The following ITPR1 variants were observed in gnomAD, a reference collection of about 807,000 sequenced individuals.
The protein encoded by ITPR1 is inositol 1,4,5-trisphosphate-gated calcium channel ITPR1.
Under a neutral mutation model 318.4 loss-of-function variants are expected in ITPR1, and 96 were observed. That is an observed-to-expected ratio of 0.30 (90% CI 0.26 to 0.36). The LOEUF (loss-of-function observed/expected upper bound fraction) is 0.36, where lower values mean the gene tolerates loss of function less well. Among genes scored for constraint, ITPR1 ranks in the 10% least tolerant of loss-of-function variants. The pLI, the probability that ITPR1 is intolerant of heterozygous loss-of-function variation, is 1.00. For missense variants in ITPR1, 2,440 were observed against 3,460.2 expected, an observed-to-expected ratio of 0.71 and a Z score of 7.40; for synonymous variants, 1,312 against 1,289.9, an observed-to-expected ratio of 1.02 and a Z score of -0.37.
chr3:4,596,507 G>A (rs1185592656), intron 4 of ITPR1, among the ~76,000 whole-genome samples: 1 of 152,128 alleles, frequency 6.6e-6, no homozygotes, highest in African/African-American at 2.4e-5. Context: ...GGGTTTATTT[G>A]TGTTTCAAAA....
intron 4 of ITPR1, among the ~76,000 whole-genome samples, chr3:4,588,093 G>T (rs1250290088): frequency 6.6e-6 from 1 of 152,160 alleles, no homozygotes; most frequent in Non-Finnish European, 1.5e-5. Flanking sequence ...GACACTTGAT[G>T]CTTAGCTGTC....
intron 10 of ITPR1, among the ~76,000 whole-genome samples, chr3:4,647,133 T>C (rs952660388): frequency 2.0e-5 from 3 of 152,160 alleles, no homozygotes; most frequent in South Asian, 2.1e-4. Context: ...TTTGTATAAA[T>C]GGAGTCATAC....
At chr3:4,701,714 T>C (rs1231983291) in intron 35 of ITPR1, among the ~76,000 whole-genome samples, 1 of 152,228 alleles carries the variant, frequency 6.6e-6, no homozygotes, top group Non-Finnish European at 1.5e-5. Context: ...TTGTTTTTCA[T>C]GCGTGACGGG....
chr3:4,788,835 C>T (rs1388682275), intron 52 of ITPR1, among the ~76,000 whole-genome samples: 1 of 152,154 alleles, frequency 6.6e-6, no homozygotes, highest in African/African-American at 2.4e-5. Flanking sequence ...TCTATCTGTT[C>T]ATCAGGAGCC....
At chr3:4,678,659 G>T (rs2094233713) in intron 24 of ITPR1, among the ~76,000 whole-genome samples, 1 of 152,146 alleles carries the variant, frequency 6.6e-6, no homozygotes, top group African/African-American at 2.4e-5. Context: ...TCCGGGAGTG[G>T]GGTCATGTGA....
At chr3:4,639,537 C>A in intron 6 of ITPR1, 67 bp downstream of exon 6, 2 of 1,185,306 alleles carry the variant, frequency 1.7e-6, no homozygotes, top group East Asian at 2.6e-5. Context: ...AGGAAACAAA[C>A]ACCTAAGACA....
chr3:4,757,143 G>T (rs1171423141), intron 44 of ITPR1, among the ~76,000 whole-genome samples: 1 of 152,168 alleles, frequency 6.6e-6, no homozygotes, highest in Admixed American at 6.5e-5. Flanking sequence ...CCGAGTTCCA[G>T]TTCTCCAGGC....
chr3:4,739,364 G>C (rs914120022), intron 44 of ITPR1, among the ~76,000 whole-genome samples: 3 of 152,166 alleles, frequency 2.0e-5, no homozygotes, highest in Non-Finnish European at 4.4e-5. Context: ...TGGGTCTGTG[G>C]TCAGCTGGCC....
chr3:4,680,763 G>T, intron 25 of ITPR1, 72 bp downstream of exon 25: 1 of 1,329,384 alleles, frequency 7.5e-7, no homozygotes, highest in Non-Finnish European at 1.0e-6. Context: ...AGAGCAAACA[G>T]TATCTTCTAG....
intron 4 of ITPR1, among the ~76,000 whole-genome samples, chr3:4,543,125 C>T (rs371490625): frequency 6.6e-6 from 1 of 151,952 alleles, no homozygotes; most frequent in East Asian, 1.9e-4. Flanking sequence ...AAACAAGTGC[C>T]TGGGTGTGGT....
intron 20 of ITPR1, chr3:4,671,652 C>T (rs1455764161): frequency 6.6e-6 from 1 of 152,222 alleles, no homozygotes; most frequent in Admixed American, 6.5e-5. Flanking sequence ...CCAGTCCTGC[C>T]ACCTGAAGGG....
rs1279582431 is a variant in ITPR1 at position 4,826,337 on chromosome 3, A to G, written c.8028+8095A>G. Among the ~76,000 whole-genome samples, 3 of 152,220 alleles carry G rather than the reference A, an allele frequency of 2.0e-5. No homozygotes were observed. Among genetic ancestry groups the G allele is most frequent in the Non-Finnish European group, 2.9e-5 (2 of 68,038 alleles). Reference sequence around the variant, plus strand: ...TGGGAGGCCACGAGCATTGGTTAAAATGTCACCTGGGCTCTGACAAGCCCT... The same window carrying G: ...TGGGAGGCCACGAGCATTGGTTAAAGTGTCACCTGGGCTCTGACAAGCCCT... On this transcript the variant is annotated intron_variant, in intron 60 of 61. Transcript: ENST00000649015. The surrounding 1 kb of genome is among the most constrained non-coding windows in gnomAD (Gnocchi z 4.2).
intron 2 of ITPR1, among the ~76,000 whole-genome samples, chr3:4,515,154 G>A (rs1393601230): frequency 6.6e-6 from 1 of 152,162 alleles, no homozygotes; most frequent in Admixed American, 6.5e-5. Context: ...GCTTTTCCCT[G>A]CAGCTTCTCA....
rs190022715 is a variant in ITPR1, at chr3:4,814,711, C to T, written c.7701+149C>T. ...AGCTGCGGAACTAGCTCATCAGGCT[C>T]CTTTCCTCTCTATCACGTGAGGTGG... On this transcript the variant is annotated intron_variant, in intron 58 of 61. Transcript: ENST00000649015. 2.8e-4 allele frequency: 201 copies of T among 724,420 alleles called. No homozygotes were observed. The African/African-American group carries it at 3.2e-3, about 12-fold the overall frequency. 44.9% of individuals were successfully genotyped at this position (724,420 alleles called of 1,614,324 possible). A position where few individuals can be genotyped will look rare whatever the true frequency, so the allele number is the denominator to read the frequency against.
intron 43 of ITPR1, among the ~76,000 whole-genome samples, chr3:4,734,658 G>A (rs572810141): frequency 2.0e-5 from 3 of 152,288 alleles, no homozygotes; most frequent in Admixed American, 6.5e-5. Flanking sequence ...TTGGCTCCAC[G>A]CCAAGCAGTG....
At position 4,635,544 on chromosome 3, in the gene ITPR1, C is replaced by A. The variant is rs572446124; in HGVS notation, c.280-3840C>A. ...TTTTTTTTAGTAGAGACGGGGTTTC[C>A]CTGTGTTAGCCAGGATGGTCTCGAT... On this transcript the variant is annotated intron_variant, in intron 5 of 61. Coordinates refer to ENST00000649015, the MANE Select transcript of ITPR1 (RefSeq NM_001378452.1). Among the ~76,000 whole-genome samples the A allele has an allele frequency of 5.0e-3, 753 of 151,872 alleles. 5 individuals carry two copies. Among genetic ancestry groups the A allele is most frequent in the Middle Eastern group, 0.014 (4 of 294 alleles).
At position 4,839,093 on chromosome 3, in the gene ITPR1, C is replaced by A. The variant is rs556210406; in HGVS notation, c.8190+2158C>A. Among the ~76,000 whole-genome samples the A allele has an allele frequency of 2.6e-5, 4 of 152,294 alleles. No homozygotes were observed. The South Asian group carries it at 8.3e-4, about 32-fold the overall frequency. ...CTGTAATCCCAACATTTTGGGAGGA[C>A]AAGGAGGGTGGATCACCTGAGGTCA... On this transcript the variant is annotated intron_variant, in intron 61 of 61. Coordinates refer to ENST00000649015, the MANE Select transcript of ITPR1 (RefSeq NM_001378452.1).
intron 4 of ITPR1, among the ~76,000 whole-genome samples, chr3:4,533,174 A>G (rs982544622): frequency 1.3e-5 from 2 of 152,264 alleles, no homozygotes; most frequent in African/African-American, 2.4e-5. Context: ...AATTGGTAAG[A>G]GAACATTAGT....
intron 10 of ITPR1, among the ~76,000 whole-genome samples, chr3:4,648,538 G>A (rs1212422671): frequency 2.0e-5 from 3 of 152,186 alleles, no homozygotes; most frequent in African/African-American, 4.8e-5. Context: ...GGCCAGGTGC[G>A]ATGGCTCATG....
Sources: allele counts gnomAD v4.1 joint callset (sites outside exome capture counted in the v4.1 genomes callset), GRCh38; gene constraint gnomAD v4.1.1; non-coding constraint Gnocchi (gnomAD v3.1); transcripts MANE v1.5; gene names NCBI Gene and HGNC (gene_info 2026-07-23, HGNC 2026-07-21).